LRFN5: variants seen among roughly 807,000 people sequenced by gnomAD.
The protein encoded by LRFN5 is leucine-rich repeat and fibronectin type-III domain-containing protein 5.
Under a neutral mutation model 45.6 loss-of-function variants are expected in LRFN5, and 24 were observed. That is an observed-to-expected ratio of 0.53 (90% confidence interval 0.38 to 0.74). LRFN5 has a LOEUF of 0.74. Among genes scored for constraint, LRFN5 ranks in the 30% least tolerant of loss-of-function variants. LRFN5 has a pLI of 0.00. For missense variants in LRFN5, 776 were observed against 861.5 expected (o/e 0.90, Z 1.24); for synonymous variants, 340 against 313.8 (o/e 1.08, Z -0.88).
intron 2 of LRFN5, among the ~76,000 whole-genome samples, chr14:41,846,049 A>T (rs1362525578): frequency 7.5e-6 from 1 of 133,082 alleles, no homozygotes; most frequent in Non-Finnish European, 1.8e-5. Context: ...AAAACTGTAC[A>T]GATGACCATG....
chr14:41,897,593 A>C (rs1269169213), intron 4 of LRFN5, among the ~76,000 whole-genome samples: 2 of 152,140 alleles, frequency 1.3e-5, no homozygotes, highest in Admixed American at 6.6e-5. Context: ...AATTACTATG[A>C]AAACATAGAT....
intron 1 of LRFN5, among the ~76,000 whole-genome samples, chr14:41,738,396 G>A (rs931348291): frequency 3.3e-5 from 5 of 152,076 alleles, no homozygotes; most frequent in South Asian, 2.1e-4. Flanking sequence ...AACAACCCTG[G>A]AAGAAAACCT....
chr14:41,619,671 C>T (rs1888049376), intron 1 of LRFN5, among the ~76,000 whole-genome samples: 1 of 151,828 alleles, frequency 6.6e-6, no homozygotes, highest in African/African-American at 2.4e-5. Context: ...AACTAGGTTT[C>T]ATATGCTGCA....
intron 1 of LRFN5, among the ~76,000 whole-genome samples, chr14:41,707,666 A>G (rs1488451924): frequency 1.3e-5 from 2 of 152,072 alleles, no homozygotes; most frequent in Non-Finnish European, 2.9e-5. Context: ...ATACTAATTT[A>G]AATTAATTAT....
rs1481639381 is a variant in LRFN5 at position 41,856,680 on chromosome 14, T to A, written c.-20-29926T>A. On this transcript the variant is annotated intron_variant, in intron 2 of 5. Coordinates refer to ENST00000298119, the MANE Select transcript of LRFN5 (RefSeq NM_152447.5). The stretch of plus-strand genomic sequence containing the variant: ...TCCTAATTATTATTATTATTATTTT[T>A]TTTTTTTTTTTTTTGAGACGGAGTC... Among the ~76,000 whole-genome samples, 331 of 57,200 alleles carry A rather than the reference T, an allele frequency of 5.8e-3. 11 individuals are homozygous for A. The highest frequency in any genetic ancestry group is 0.019 in the African/African-American group (313 of 16,720). The allele number at this position is 57,200 out of a possible 152,430, so 37.5% of individuals were successfully genotyped here.
chr14:41,826,780 G>A (rs1350766856), intron 2 of LRFN5, among the ~76,000 whole-genome samples: 1 of 151,730 alleles, frequency 6.6e-6, no homozygotes, highest in Non-Finnish European at 1.5e-5. Flanking sequence ...AAATATATAA[G>A]TATCTTCATC....
At chr14:41,782,863 G>A (rs1191558938) in intron 2 of LRFN5, among the ~76,000 whole-genome samples, 1 of 151,912 alleles carries the variant, frequency 6.6e-6, no homozygotes, top group Non-Finnish European at 1.5e-5. Context: ...TGTTATAGTG[G>A]TAGTAATGTG....
intron 1 of LRFN5, among the ~76,000 whole-genome samples, chr14:41,765,257 G>A (rs1885833145): frequency 6.6e-6 from 1 of 151,718 alleles, no homozygotes; most frequent in Admixed American, 6.6e-5. Flanking sequence ...CAGGAGAATG[G>A]CGTGAACCCG....
chr14:41,714,910 A>C (rs113962870), intron 1 of LRFN5, among the ~76,000 whole-genome samples: 1 of 152,126 alleles, frequency 6.6e-6, no homozygotes, highest in African/African-American at 2.4e-5. Flanking sequence ...ATTTTTTTAA[A>C]AAAAAGTGCT....
chr14:41,782,041 T>C (rs1034717321), intron 2 of LRFN5, among the ~76,000 whole-genome samples: 26 of 152,072 alleles, frequency 1.7e-4, no homozygotes, highest in African/African-American at 6.0e-4. Context: ...CTGAGCTTCC[T>C]GGATCTGTAG....
intron 1 of LRFN5, among the ~76,000 whole-genome samples, chr14:41,670,850 TTC>T (rs1244673578): frequency 1.3e-5 from 2 of 152,070 alleles, no homozygotes; most frequent in African/African-American, 2.4e-5. Context: ...TGATGATGAA[TTC>T]TGTTACATTA....
intron 1 of LRFN5, among the ~76,000 whole-genome samples, chr14:41,765,041 G>A (rs1056546381): frequency 3.9e-5 from 6 of 151,990 alleles, no homozygotes; most frequent in Non-Finnish European, 7.4e-5. Context: ...TTTTCAAGAC[G>A]TTAAAGAAAC....
At chr14:41,647,079 C>T (rs923644456) in intron 1 of LRFN5, among the ~76,000 whole-genome samples, 2 of 152,118 alleles carry the variant, frequency 1.3e-5, no homozygotes, top group African/African-American at 4.8e-5. Context: ...AATTTATGCA[C>T]CTAACATTAG....
At chr14:41,673,615 CA>C (rs1881373844) in intron 1 of LRFN5, among the ~76,000 whole-genome samples, 1 of 136,144 alleles carries the variant, frequency 7.3e-6, no homozygotes, top group African/African-American at 2.8e-5. Flanking sequence ...GCTGGCCGGG[CA>C]GGGGACTGAC....
rs73316925 is a variant in LRFN5 at position 41,779,779 on chromosome 14, A to G, written c.-21+12750A>G. Among the ~76,000 whole-genome samples the G allele has an allele frequency of 6.9e-3, 1,050 of 151,998 alleles. 15 individuals carry two copies. Among genetic ancestry groups the G allele is most frequent in the African/African-American group, 0.023 (971 of 41,522 alleles). On this transcript the variant is annotated intron_variant, in intron 2 of 5. Coordinates refer to ENST00000298119, the MANE Select transcript of LRFN5 (RefSeq NM_152447.5). ...ATAGAGTTATTCATAATATTACTTT[A>G]TGGTCATTCAAATGTACATTGAACC... is the stretch of plus-strand genomic sequence containing the variant.
At position 41,648,023 on chromosome 14, in the gene LRFN5, C is replaced by T. The variant is rs183109114; in HGVS notation, c.-197+39461C>T. 9.1e-3 allele frequency among the ~76,000 whole-genome samples: 1,383 copies of T among 152,284 alleles called. 6 individuals carry two copies. The highest frequency in any genetic ancestry group is 0.014 in the East Asian group (75 of 5,188). On this transcript the variant is annotated intron_variant, in intron 1 of 5. Transcript: ENST00000298119. ...ATATCTCTATGTAACCCTATATTAA[C>T]ATATCTACATCTATATCTTTTTATA...
At chr14:41,702,042 A>C (rs1212251014) in intron 1 of LRFN5, among the ~76,000 whole-genome samples, 2 of 152,064 alleles carry the variant, frequency 1.3e-5, no homozygotes, top group Non-Finnish European at 2.9e-5. Flanking sequence ...GAAATAGGAG[A>C]CTTGCCCAGG....
intron 1 of LRFN5, among the ~76,000 whole-genome samples, chr14:41,748,531 T>A (rs1176909740): frequency 1.3e-5 from 2 of 152,130 alleles, no homozygotes; most frequent in African/African-American, 4.8e-5. Context: ...TGGAGAGTTA[T>A]TTTTTAATAG....
chr14:41,899,580 G>T (rs1486183054), intron 5 of LRFN5, among the ~76,000 whole-genome samples: 1 of 152,066 alleles, frequency 6.6e-6, no homozygotes, highest in Non-Finnish European at 1.5e-5. Flanking sequence ...TGTGTTTCCA[G>T]AGCAGAGAAG....
Sources: gnomAD v4.1 joint callset for allele counts (sites outside exome capture counted in the v4.1 genomes callset) on GRCh38, gnomAD v4.1.1 for gene constraint, MANE v1.5 for transcripts, NCBI Gene and HGNC (gene_info 2026-07-23, HGNC 2026-07-21) for gene names.